Variants in KCNQ1 observed in about 807,000 individuals in gnomAD.
The protein encoded by KCNQ1 is potassium voltage-gated channel subfamily Q member 1, also known as potassium voltage-gated channel subfamily KQT member 1.
Under a neutral mutation model 72.4 loss-of-function variants are expected in KCNQ1, and 49 were observed. The ratio of observed to expected loss-of-function variants is 0.68; its 90% CI spans 0.54 to 0.86. The LOEUF is 0.86. Ranked by LOEUF, KCNQ1 falls within the 40% of genes least tolerant of loss-of-function variation. KCNQ1 has a pLI of 0.00. For synonymous variants in KCNQ1, 450 were observed against 412.6 expected (o/e 1.09, Z -1.10); for missense variants, 790 against 945.1 (o/e 0.84, Z 2.15).
At chr11:2,739,689 C>G (rs1400683286) in intron 11 of KCNQ1, among the ~76,000 whole-genome samples, 4 of 152,248 alleles carry the variant, frequency 2.6e-5, no homozygotes, top group Admixed American at 2.6e-4. Flanking sequence ...CGCAGAGCTC[C>G]AGGAGCTGAC....
intron 11 of KCNQ1, among the ~76,000 whole-genome samples, chr11:2,765,911 T>C (rs1394622145): frequency 1.3e-5 from 2 of 152,234 alleles, no homozygotes; most frequent in African/African-American, 4.8e-5. Context: ...AATCCACTTA[T>C]AATGTATGCA....
chr11:2,577,654 C>T (rs972213708), intron 6 of KCNQ1, among the ~76,000 whole-genome samples: 1 of 152,212 alleles, frequency 6.6e-6, no homozygotes, highest in African/African-American at 2.4e-5. Flanking sequence ...TCTGCTTTTG[C>T]TTTTACCCTG....
chr11:2,556,700 G>A (rs1848075527), intron 2 of KCNQ1, among the ~76,000 whole-genome samples: 1 of 152,204 alleles, frequency 6.6e-6, no homozygotes, highest in African/African-American at 2.4e-5. Context: ...GAAGGGAGAG[G>A]GGTGAAATGC....
rs1187941484 is a variant in KCNQ1, at chr11:2,592,818, C to G, written c.1393+3964C>G. ...GGCAGACACACAGGCAGCCTCCTGCCCAGAGGGTCCAAGCGGGCATGGCCA... is the reference window on the plus strand; with the variant it reads ...GGCAGACACACAGGCAGCCTCCTGCGCAGAGGGTCCAAGCGGGCATGGCCA... On this transcript the variant is annotated intron_variant, in intron 10 of 15. Coordinates refer to ENST00000155840, the MANE Select transcript of KCNQ1 (RefSeq NM_000218.3). The surrounding 1 kb of genome is among the most constrained non-coding windows in gnomAD (Gnocchi z 5.2). 6.6e-6 allele frequency among the ~76,000 whole-genome samples: 1 copy of G among 152,184 alleles called. No homozygotes were observed. The highest frequency in any genetic ancestry group is 2.4e-5 in the African/African-American group (1 of 41,450).
intron 10 of KCNQ1, chr11:2,641,165 T>C (rs1179574462): frequency 2.5e-6 from 1 of 398,420 alleles, no homozygotes; most frequent in African/African-American, 2.1e-5. Flanking sequence ...CTGATATCTT[T>C]TCCTTTAGAT....
intron 10 of KCNQ1, among the ~76,000 whole-genome samples, chr11:2,594,170 C>T (rs1303528708): frequency 3.3e-5 from 5 of 152,154 alleles, no homozygotes; most frequent in Non-Finnish European, 7.3e-5. Flanking sequence ...AATATTTTTA[C>T]TTTGCCTTTA....
intron 10 of KCNQ1, among the ~76,000 whole-genome samples, chr11:2,597,916 C>T (rs906654547): frequency 6.6e-6 from 1 of 152,142 alleles, no homozygotes; most frequent in Non-Finnish European, 1.5e-5. Context: ...TCTCTATCAT[C>T]TCTTCGTTTT....
At chr11:2,646,744 G>T in intron 10 of KCNQ1, 1 of 398,512 alleles carries the variant, frequency 2.5e-6, no homozygotes, top group South Asian at 1.3e-4. Context: ...TCAAACTCCT[G>T]GGCTCAAGCA....
At chr11:2,776,412 C>T (rs12417409) in intron 13 of KCNQ1, among the ~76,000 whole-genome samples, 19,196 of 152,250 alleles carry the variant, frequency 0.13, 1,371 homozygotes, top group South Asian at 0.18. Context: ...GCCAGCCCAC[C>T]CGCCTTCCCT....
intron 8 of KCNQ1, among the ~76,000 whole-genome samples, chr11:2,586,044 C>T (rs1848587434): frequency 6.6e-6 from 1 of 152,190 alleles, no homozygotes; most frequent in African/African-American, 2.4e-5. Flanking sequence ...CACTGCAGGG[C>T]CAGGGCTGCC....
At position 2,766,950 on chromosome 11, in the gene KCNQ1, G is replaced by A. The variant is rs537560661; in HGVS notation, c.1515-1894G>A. Reference sequence around the variant, plus strand: ...TCCCAGCACTTTTGGAGGCCAAGGCGGACAGATCATGAGGTCAAGAGATCA... The same window carrying A: ...TCCCAGCACTTTTGGAGGCCAAGGCAGACAGATCATGAGGTCAAGAGATCA... On this transcript the variant is annotated intron_variant, in intron 11 of 15. Coordinates refer to ENST00000155840, the MANE Select transcript of KCNQ1 (RefSeq NM_000218.3). This position sits in a 1 kb window ranked among gnomAD's most constrained non-coding sequence, Gnocchi z 4.4. 1.7e-4 allele frequency among the ~76,000 whole-genome samples: 25 copies of A among 151,212 alleles called. No homozygotes were observed. The highest frequency in any genetic ancestry group is 5.6e-4 in the African/African-American group (23 of 41,112).
At chr11:2,619,432 T>C (rs1409732363) in intron 10 of KCNQ1, 1 of 398,498 alleles carries the variant, frequency 2.5e-6, no homozygotes, top group Non-Finnish European at 4.4e-6. Flanking sequence ...GAGATGATCA[T>C]GTGGTTTTCA....
At chr11:2,533,418 C>G (rs537259085) in intron 2 of KCNQ1, among the ~76,000 whole-genome samples, 64 of 152,196 alleles carry the variant, frequency 4.2e-4, no homozygotes, top group Admixed American at 1.1e-3. Flanking sequence ...GGGAGGAGAG[C>G]CACTTCCTGG....
At chr11:2,485,465 C>T (rs1020029522) in intron 1 of KCNQ1, among the ~76,000 whole-genome samples, 35 of 149,670 alleles carry the variant, frequency 2.3e-4, no homozygotes, top group African/African-American at 7.8e-4. Context: ...TTTCCTGTAT[C>T]CCCTCTTTCT....
chr11:2,554,779 C>T (rs12420828), intron 2 of KCNQ1, among the ~76,000 whole-genome samples: 23 of 152,338 alleles, frequency 1.5e-4, no homozygotes, highest in East Asian at 1.3e-3. Flanking sequence ...AACTTCAGCC[C>T]TAAAACAACA....
chr11:2,613,357 A>C lies in KCNQ1; in HGVS notation c.1393+24503A>C. The C allele has an allele frequency of 2.5e-6, 1 of 398,584 alleles. No homozygotes were observed. The highest frequency in any genetic ancestry group is 4.4e-6 in the Non-Finnish European group (1 of 226,054). 24.7% of individuals were successfully genotyped at this position (398,584 alleles called of 1,614,324 possible). A position where few individuals can be genotyped will look rare whatever the true frequency, so the allele number is the denominator to read the frequency against. ...CTGTCGCTTGCCCAACCAGTATTGAAACATTAGGTTGCTGTGATGTGGGTT... is the reference window on the plus strand; with the variant it reads ...CTGTCGCTTGCCCAACCAGTATTGACACATTAGGTTGCTGTGATGTGGGTT... On this transcript the variant is annotated intron_variant, in intron 10 of 15. Transcript: ENST00000155840. The surrounding 1 kb of genome is among the most constrained non-coding windows in gnomAD (Gnocchi z 4.8).
rs373735993 is a variant in KCNQ1 at position 2,769,358 on chromosome 11, GCT to G, written c.1590+443_1590+444del. ...CAGCCCTGTCCTCCACTGGCTCAGT[GCT>G]CTCATTCCCTGCTCCTCCACCCTCT... On this transcript the variant is annotated intron_variant, in intron 12 of 15. Coordinates refer to ENST00000155840, the MANE Select transcript of KCNQ1 (RefSeq NM_000218.3). This position sits in a 1 kb window ranked among gnomAD's most constrained non-coding sequence, Gnocchi z 4.6. 3.9e-5 allele frequency among the ~76,000 whole-genome samples: 6 copies of G among 152,336 alleles called. No individual in the cohort carries two copies. In the South Asian group the frequency reaches 1.0e-3, roughly 26 times the overall value.
intron 2 of KCNQ1, among the ~76,000 whole-genome samples, chr11:2,548,922 T>C (rs910802755): frequency 2.0e-5 from 3 of 152,014 alleles, no homozygotes; most frequent in African/African-American, 7.2e-5. Flanking sequence ...AAAGGGGCCC[T>C]ACTGTCCCCC....
chr11:2,608,412 A>T lies in KCNQ1; in HGVS notation c.1393+19558A>T, dbSNP rs1278417668. The T allele has an allele frequency of 2.5e-5, 10 of 398,502 alleles. No individual in the cohort carries two copies. Among genetic ancestry groups the T allele is most frequent in the Non-Finnish European group, 4.4e-5 (10 of 226,060 alleles). The allele number at this position is 398,502 out of a possible 1,614,324, so 24.7% of individuals were successfully genotyped here. A position where few individuals can be genotyped will look rare whatever the true frequency, so the allele number is the denominator to read the frequency against. On this transcript the variant is annotated intron_variant, in intron 10 of 15. Transcript: ENST00000155840. The surrounding 1 kb of genome is among the most constrained non-coding windows in gnomAD (Gnocchi z 4.6). ...AATTTATTGGCACAAAATTGTTCAT[A>T]GTGTTCCTTCATAATCCTTTTTATT...
Sources: gnomAD v4.1 joint callset for allele counts (sites outside exome capture counted in the v4.1 genomes callset) on GRCh38, gnomAD v4.1.1 for gene constraint, Gnocchi (gnomAD v3.1) non-coding constraint, MANE v1.5 for transcripts, NCBI Gene and HGNC (gene_info 2026-07-23, HGNC 2026-07-21) for gene names.